The following MASTL variants were observed in gnomAD, a reference collection of about 807,000 sequenced individuals.
MASTL encodes the protein serine/threonine-protein kinase greatwall.
MASTL carries 54 observed loss-of-function variants against 82.5 expected under a neutral mutation model. That is an observed-to-expected ratio of 0.65 (90% CI 0.53 to 0.82). The LOEUF is 0.82. Among genes scored for constraint, MASTL ranks in the 40% least tolerant of loss-of-function variants. MASTL has a pLI of 0.00. For missense variants in MASTL, 950 were observed against 1,047.8 expected (o/e 0.91, Z 1.29); for synonymous variants, 323 against 368.9 (o/e 0.88, Z 1.43).
intron 11 of MASTL, 43 bp from the exon 12 acceptor site, chr10:27,186,336 T>C (rs760617840): frequency 6.4e-7 from 1 of 1,552,948 alleles, no homozygotes; most frequent in Admixed American, 1.7e-5. Context: ...AGTACTTACT[T>C]AGGTAATGAT....
chr10:27,155,159 G>A, upstream of MASTL: 2 of 516,490 alleles, frequency 3.9e-6, no homozygotes, highest in Non-Finnish European at 7.0e-6. Flanking sequence ...GGTCGGCCCA[G>A]AACTGTTTGT....
chr10:27,155,422 C>T lies in MASTL; in HGVS notation c.-5C>T. ...GTCTGCGGGGCCGCTGTATGCTGTC[C>T]AGCGATGGATCCCACCGCGGGAAGC... On this transcript the variant is annotated 5_prime_UTR_variant, in exon 1 of 12. Coordinates refer to ENST00000375940, the MANE Select transcript of MASTL (RefSeq NM_001172303.3). 2 of 1,605,312 alleles carry T rather than the reference C, an allele frequency of 1.2e-6. No individual in the cohort carries two copies. The highest frequency in any genetic ancestry group is 1.3e-5 in the African/African-American group (1 of 74,874).
Position 27,173,366 on chromosome 10 carries a change from AGAAAAT to A in MASTL, c.2266+111_2266+116del, listed in dbSNP as rs1232976059. The A allele has an allele frequency of 6.3e-6, 8 of 1,277,904 alleles. No homozygotes were observed. In the Admixed American group the frequency reaches 1.4e-4, roughly 22 times the overall value. 79.2% of individuals were successfully genotyped at this position (1,277,904 alleles called of 1,614,324 possible). A position where few individuals can be genotyped will look rare whatever the true frequency, so the allele number is the denominator to read the frequency against. Reference sequence around the variant, plus strand: ...CAGTACTTACGTTACCTAAAGTAAAAGAAAATGAACTCATCTAGTATATATATGGCA... The same window carrying A: ...CAGTACTTACGTTACCTAAAGTAAAAGAACTCATCTAGTATATATATGGCA... On this transcript the variant is annotated intron_variant, in intron 9 of 11. Transcript: ENST00000375940.
chr10:27,186,310 A>G, intron 11 of MASTL, 69 bp from the exon 12 acceptor site: 1 of 1,421,744 alleles, frequency 7.0e-7, no homozygotes, highest in East Asian at 2.3e-5. Flanking sequence ...TCTTTTTATA[A>G]TAATTCCTGT....
At chr10:27,172,510 C>T (rs1052185212) in intron 8 of MASTL, among the ~76,000 whole-genome samples, 7 of 152,026 alleles carry the variant, frequency 4.6e-5, no homozygotes, top group African/African-American at 1.7e-4. Context: ...CAAAATTAGC[C>T]AGGCATGGTG....
In MASTL at chr10:27,158,621, C is replaced by G. The variant is rs759296008; in HGVS notation, c.259C>G (p.Leu87Val). 6.2e-7 allele frequency: 1 copy of G among 1,613,766 alleles called. No homozygotes were observed. The highest frequency in any genetic ancestry group is 8.5e-7 in the Non-Finnish European group (1 of 1,179,614). The change falls in exon 2 of 12, where the codon CTA (leucine) becomes GTA (valine). Residue 87 changes from leucine to valine, a missense_variant. Leu to Val is a conservative substitution (Grantham distance 32). Coordinates refer to ENST00000375940, the MANE Select transcript of MASTL (RefSeq NM_001172303.3). ...QVQAERDALA[L>V]SKSPFIVHLY... ...CCAAGCTGAGAGAGATGCACTGGCA[C>G]TAAGCAAAAGCCCATTCATTGTCCA...
intron 1 of MASTL, 74 bp from the exon 2 acceptor site, chr10:27,158,475 C>T: frequency 8.0e-7 from 1 of 1,256,788 alleles, no homozygotes; most frequent in Non-Finnish European, 1.2e-6. Context: ...CCACTGCACT[C>T]AGCCTGGGCA....
At chr10:27,173,432 G>A (rs1189683733) in intron 9 of MASTL, among the ~76,000 whole-genome samples, 173 bp downstream of exon 9, 1 of 152,074 alleles carries the variant, frequency 6.6e-6, no homozygotes, top group Non-Finnish European at 1.5e-5. Flanking sequence ...AGTAGCCATG[G>A]CTGTCCCACT....
Position 27,158,666 on chromosome 10 carries a change from T to G in MASTL, c.304T>G (p.Ser102Ala). ...FIVHLYYSLQ[S>A]ANNVYLVMEY... Reference sequence around the variant, plus strand: ...TGTCCATTTGTATTATTCACTGCAGTCTGCAAACAATGTCTACTTGGTGAG... The same window carrying G: ...TGTCCATTTGTATTATTCACTGCAGGCTGCAAACAATGTCTACTTGGTGAG... The change falls in exon 2 of 12, where the codon TCT (serine) becomes GCT (alanine). Residue 102 changes from serine (S) to alanine (A), a missense_variant. Transcript: ENST00000375940. 6.2e-7 allele frequency: 1 copy of G among 1,614,102 alleles called. No homozygotes were observed. Among genetic ancestry groups the G allele is most frequent in the Non-Finnish European group, 8.5e-7 (1 of 1,179,936 alleles).
intron 1 of MASTL, among the ~76,000 whole-genome samples, chr10:27,157,232 T>G (rs189403777): frequency 1.1e-3 from 164 of 152,354 alleles, no homozygotes; most frequent in Non-Finnish European, 1.9e-3. Flanking sequence ...TTGGAAGATC[T>G]GATTGAATTG....
Position 27,157,260 on chromosome 10 carries a change from T to A in MASTL, c.187-1289T>A, listed in dbSNP as rs181291130. Among the ~76,000 whole-genome samples, 4 of 152,370 alleles carry A rather than the reference T, an allele frequency of 2.6e-5. No homozygotes were observed. In the East Asian group the frequency reaches 7.7e-4, roughly 29 times the overall value. On this transcript the variant is annotated intron_variant, in intron 1 of 11. Coordinates refer to ENST00000375940, the MANE Select transcript of MASTL (RefSeq NM_001172303.3). ...TTGAATTGGTTACTTTATATGTTCC[T>A]GAGATTTTTACTTTTCCTTCTACAG...
Position 27,155,588 on chromosome 10 carries a change from A to G in MASTL, c.162A>G (p.Lys54=). 1.2e-6 allele frequency: 2 copies of G among 1,614,244 alleles called. No homozygotes were observed. The highest frequency in any genetic ancestry group is 2.2e-5 in the East Asian group (1 of 44,880). Residue 54 remains lysine (K), a synonymous_variant, in exon 1 of 12, where the codon AAA becomes AAG. Coordinates refer to ENST00000375940, the MANE Select transcript of MASTL (RefSeq NM_001172303.3). ...GAFGKVYLGQ[K]GGKLYAVKVV... ...TCGGGAAAGTGTATCTGGGGCAGAAAGGCGGCAAATTGTATGCAGTAAAGG... is the reference window on the plus strand; with the variant it reads ...TCGGGAAAGTGTATCTGGGGCAGAAGGGCGGCAAATTGTATGCAGTAAAGG...
chr10:27,178,460 A>G (rs2058172301), intron 9 of MASTL, among the ~76,000 whole-genome samples: 1 of 152,058 alleles, frequency 6.6e-6, no homozygotes, highest in Non-Finnish European at 1.5e-5. Flanking sequence ...TCATTTTATT[A>G]TCATTAGAAA....
At chr10:27,171,179 A>G in intron 8 of MASTL, 96 bp downstream of exon 8, 2 of 1,076,630 alleles carry the variant, frequency 1.9e-6, no homozygotes, top group Non-Finnish European at 2.8e-6. Context: ...TATTAATCAT[A>G]TAGTTCTGTT....
At chr10:27,169,891 G>A (rs1198646562) in intron 7 of MASTL, 53 bp from the exon 8 acceptor site, 2 of 1,577,380 alleles carry the variant, frequency 1.3e-6, no homozygotes, top group Non-Finnish European at 1.7e-6. Flanking sequence ...TAGTTAAAAG[G>A]TCAATGAATC....
Position 27,170,999 on chromosome 10 carries a change from A to G in MASTL, c.2040A>G (p.Ala680=). 1 of 1,614,114 alleles carries G rather than the reference A, an allele frequency of 6.2e-7. No homozygotes were observed. Among genetic ancestry groups the G allele is most frequent in the Non-Finnish European group, 8.5e-7 (1 of 1,179,970 alleles). Residue 680 remains alanine (A), a synonymous_variant, in exon 8 of 12, where the codon GCA becomes GCG. Coordinates refer to ENST00000375940, the MANE Select transcript of MASTL (RefSeq NM_001172303.3). The part of the protein sequence containing the change: ...PSRMNMTSLD[A]MDISCAYSGS... ...GAATGAACATGACTTCTTTAGATGC[A>G]ATGGATATTTCGTGTGCCTACAGTG...
rs370441824 is a variant in MASTL, at chr10:27,157,406, C to T, written c.187-1143C>T. On this transcript the variant is annotated intron_variant, in intron 1 of 11. Coordinates refer to ENST00000375940, the MANE Select transcript of MASTL (RefSeq NM_001172303.3). Reference sequence around the variant, plus strand: ...ACAATGGGGAACAAAACACACATGCCCTCATAGCCAGTGGAATGATAGGAA... The same window carrying T: ...ACAATGGGGAACAAAACACACATGCTCTCATAGCCAGTGGAATGATAGGAA... Among the ~76,000 whole-genome samples the T allele has an allele frequency of 3.3e-5, 5 of 152,264 alleles. No individual in the cohort carries two copies. In the South Asian group the frequency reaches 6.2e-4, roughly 19 times the overall value.
In MASTL at chr10:27,170,283, A is replaced by G. The variant is rs1304455351; in HGVS notation, c.1324A>G (p.Ser442Gly). The G allele has an allele frequency of 6.2e-7, 1 of 1,614,006 alleles. No individual in the cohort carries two copies. The highest frequency in any genetic ancestry group is 1.3e-5 in the African/African-American group (1 of 74,940). ...GISEEHLGKRSLKRNFELVDS... is the reference protein window; with the variant it reads ...GISEEHLGKRGLKRNFELVDS... ...ATCTGAAGAGCACCTTGGGAAAAGAAGTTTAAAAAGAAATTTTGAGTTGGT... is the reference window on the plus strand; with the variant it reads ...ATCTGAAGAGCACCTTGGGAAAAGAGGTTTAAAAAGAAATTTTGAGTTGGT... The change falls in exon 8 of 12, where the codon AGT becomes GGT. Residue 442 changes from serine (S) to glycine (G), a missense_variant. Transcript: ENST00000375940.
chr10:27,166,987 AATACATATTAATATGTAATTC>A, intron 6 of MASTL, 94 bp from the exon 7 acceptor site: 4 of 124,576 alleles, frequency 3.2e-5, no homozygotes, highest in Non-Finnish European at 6.9e-5. Flanking sequence ...TGTAATTCTT[AATACATATTAATATGTAATTC>A]TTGATACTTT....
Sources: allele counts gnomAD v4.1 joint callset (sites outside exome capture counted in the v4.1 genomes callset), GRCh38; gene constraint gnomAD v4.1.1; transcripts MANE v1.5; gene names NCBI Gene and HGNC (gene_info 2026-07-23, HGNC 2026-07-21).